Variants in PLEKHG5 observed in about 807,000 individuals in gnomAD.
The protein encoded by PLEKHG5 is pleckstrin homology and RhoGEF domain containing G5, also known as pleckstrin homology domain-containing family G member 5.
Under a neutral mutation model 103.8 loss-of-function variants are expected in PLEKHG5, and 52 were observed. That is an observed-to-expected ratio of 0.50 (90% CI 0.40 to 0.63). PLEKHG5 has a LOEUF of 0.63. Among genes scored for constraint, PLEKHG5 ranks in the 30% least tolerant of loss-of-function variants. The pLI is 0.00. For missense variants in PLEKHG5, 1,205 were observed against 1,347.6 expected, an observed-to-expected ratio of 0.89 and a Z score of 1.66; for synonymous variants, 592 against 575.5, an observed-to-expected ratio of 1.03 and a Z score of -0.41.
intron 1 of PLEKHG5, among the ~76,000 whole-genome samples, chr1:6,508,114 A>G (rs571471911): frequency 6.6e-6 from 1 of 152,286 alleles, no homozygotes; most frequent in East Asian, 1.9e-4. Flanking sequence ...GCCTGGGTGC[A>G]GCAGAGACTC....
rs1242593815 is a variant in PLEKHG5 at position 6,470,829 on chromosome 1, T to C, written c.1448A>G (p.Lys483Arg). Residue 483 changes from lysine to arginine, a missense_variant, in exon 14 of 21, where the codon AAA becomes AGA. Coordinates refer to ENST00000377728, the MANE Select transcript of PLEKHG5 (RefSeq NM_020631.6). ...GTACTTGGTGAGCCGCTGGTGGGGT[T>C]TGGCCAGCATGTCGCTCAGCTTCAG... The part of the protein sequence containing the change: ...QRLKLSDMLA[K>R]PHQRLTKYPL... 12 of 1,578,250 alleles carry C rather than the reference T, an allele frequency of 7.6e-6. No homozygotes were observed. Among genetic ancestry groups the C allele is most frequent in the Admixed American group, 1.8e-5 (1 of 54,820 alleles).
At position 6,470,985 on chromosome 1, in the gene PLEKHG5, C is replaced by T. The variant is rs2148583512; in HGVS notation, c.1392+5G>A. ...CGCCCCCGCCCACGGCACGCGCGCC[C>T]TCACCGTGATGTAGGCCCGGAAGAG... On this transcript the variant is annotated splice_donor_5th_base_variant and intron_variant, in intron 13 of 20. Transcript: ENST00000377728. 1.3e-6 allele frequency: 2 copies of T among 1,596,278 alleles called. No homozygotes were observed. Among genetic ancestry groups the T allele is most frequent in the Non-Finnish European group, 1.7e-6 (2 of 1,172,036 alleles).
At chr1:6,472,759 A>T (rs1644632557) in intron 9 of PLEKHG5, 137 bp from the exon 10 acceptor site, 2 of 760,250 alleles carry the variant, frequency 2.6e-6, no homozygotes, top group South Asian at 3.0e-5. Context: ...GTCACCCTTG[A>T]CACCACATGA....
intron 3 of PLEKHG5, 68 bp from the exon 4 acceptor site, chr1:6,475,590 G>T (rs1374325112): frequency 1.5e-6 from 2 of 1,330,394 alleles, no homozygotes; most frequent in Non-Finnish European, 2.2e-6. Flanking sequence ...GCGGCGAGTG[G>T]GCCTGTGGCC....
intron 1 of PLEKHG5, among the ~76,000 whole-genome samples, chr1:6,489,601 CGT>C (rs1450946062): frequency 6.6e-6 from 1 of 152,230 alleles, no homozygotes; most frequent in African/African-American, 2.4e-5. Flanking sequence ...CAGACCCCAG[CGT>C]GTGTCTTCGG....
At chr1:6,473,911 TG>T in intron 7 of PLEKHG5, 101 bp downstream of exon 7, 1 of 1,143,342 alleles carries the variant, frequency 8.7e-7, no homozygotes, top group Non-Finnish European at 1.3e-6. Context: ...AACCCCAAGA[TG>T]GGGCAGTGAG....
upstream of PLEKHG5, among the ~76,000 whole-genome samples, chr1:6,493,104 C>A (rs138981576): frequency 5.9e-5 from 9 of 152,328 alleles, no homozygotes; most frequent in East Asian, 1.7e-3. Flanking sequence ...ATGGCAAATT[C>A]ATCTCAGAAG....
In PLEKHG5 at chr1:6,490,587, C is replaced by T. The variant is rs1645132738; in HGVS notation, c.-88+1050G>A. 1.0e-6 allele frequency: 1 copy of T among 985,286 alleles called. No individual in the cohort carries two copies. Among genetic ancestry groups the T allele is most frequent in the African/African-American group, 1.7e-5 (1 of 57,214 alleles). 61.0% of individuals were successfully genotyped at this position (985,286 alleles called of 1,614,324 possible). ...AGTCGACTCAGCGCAAACTGGGGCG[C>T]GGGACGTAGGGGAATTACGGTAGCC... is the stretch of plus-strand genomic sequence containing the variant. On this transcript the variant is annotated intron_variant, in intron 1 of 20. Coordinates refer to ENST00000377728, the MANE Select transcript of PLEKHG5 (RefSeq NM_020631.6). This position sits in a 1 kb window ranked among gnomAD's most constrained non-coding sequence, Gnocchi z 8.0.
upstream of PLEKHG5, among the ~76,000 whole-genome samples, chr1:6,500,629 C>T (rs1645286522): frequency 6.6e-6 from 1 of 150,486 alleles, no homozygotes; most frequent in Non-Finnish European, 1.5e-5. Context: ...ACTACCCCCT[C>T]CGCTAAGCAA....
chr1:6,467,857 G>A lies in PLEKHG5; in HGVS notation c.2979C>T (p.Thr993=), dbSNP rs916247357. The change falls in exon 20 of 21, where the codon ACC becomes ACT. Residue 993 remains threonine (T), a synonymous_variant. Coordinates refer to ENST00000377728, the MANE Select transcript of PLEKHG5 (RefSeq NM_020631.6). The part of the protein sequence containing the change: ...LTLAQLYRIR[T]TLLLNSTLTA... ...TGAGCGTGGAGTTAAGCAGCAGGGT[G>A]GTCCTGATTCGGTAGAGCTGGGCCA... 3 of 1,613,072 alleles carry A rather than the reference G, an allele frequency of 1.9e-6. No homozygotes were observed. The African/African-American group carries it at 4.0e-5, about 22-fold the overall frequency.
Position 6,469,190 on chromosome 1 carries a change from G to A in PLEKHG5, c.2101C>T (p.Leu701=). ...TCCTCCTCCTCTTCCAGGCTCTGCA[G>A]GGGCTGCTGACTGCCTGGGGGCTCC... ...AQEPPGSQQP[L]QSLEEEEDEQ... The change falls in exon 19 of 21, where the codon CTG becomes TTG. Residue 701 remains leucine (L), a synonymous_variant. Transcript: ENST00000377728. 6.2e-7 allele frequency: 1 copy of A among 1,612,660 alleles called. No individual in the cohort carries two copies. Among genetic ancestry groups the A allele is most frequent in the Non-Finnish European group, 8.5e-7 (1 of 1,179,872 alleles).
At chr1:6,518,930 G>A (rs549146408) in intron 1 of PLEKHG5, among the ~76,000 whole-genome samples, 3 of 152,310 alleles carry the variant, frequency 2.0e-5, no homozygotes, top group South Asian at 2.1e-4. Context: ...TGCAAGCTCC[G>A]CTTCCCGGGT....
intron 9 of PLEKHG5, 119 bp downstream of exon 9, chr1:6,472,866 TG>T: frequency 1.1e-6 from 1 of 937,722 alleles, no homozygotes. Flanking sequence ...GTCTCCAAAG[TG>T]GGCTAATGGT....
Position 6,469,137 on chromosome 1 carries a change from C to T in PLEKHG5, c.2154G>A (p.Glu718=), listed in dbSNP as rs1410366410. 6.2e-7 allele frequency: 1 copy of T among 1,612,518 alleles called. No homozygotes were observed. The highest frequency in any genetic ancestry group is 8.5e-7 in the Non-Finnish European group (1 of 1,179,498). Residue 718 remains glutamate, a synonymous_variant, in exon 19 of 21, where the codon GAG becomes GAA. Transcript: ENST00000377728. ...EDEQEEEEEE[E]EEEEEGEDSG... is the part of the protein sequence containing the mutation. ...TGTCCTCGCCTTCCTCCTCCTCCTC[C>T]TCCTCCTCCTCTTCCTCCTCCTGCT... is the stretch of plus-strand genomic sequence containing the variant.
At chr1:6,470,416 A>T in intron 15 of PLEKHG5, 61 bp from the exon 16 acceptor site, 1 of 1,612,782 alleles carries the variant, frequency 6.2e-7, no homozygotes, top group Admixed American at 1.7e-5. Flanking sequence ...TCAGCTAGGC[A>T]TCCTCAGTGA....
chr1:6,501,516 G>T (rs1358430076), upstream of PLEKHG5, among the ~76,000 whole-genome samples: 9 of 152,158 alleles, frequency 5.9e-5, no homozygotes, highest in South Asian at 6.2e-4. The surrounding 1 kb of genome is among the most constrained non-coding windows in gnomAD (Gnocchi z 4.3). Context: ...GACACACAAT[G>T]ACCACAGCTC....
upstream of PLEKHG5, among the ~76,000 whole-genome samples, chr1:6,496,187 C>A (rs578194073): frequency 6.6e-6 from 1 of 152,360 alleles, no homozygotes; most frequent in South Asian, 2.1e-4. Flanking sequence ...GTTTCCTCAT[C>A]CGTGACATAA....
At position 6,491,058 on chromosome 1, in the gene PLEKHG5, G is replaced by T. The variant is rs764196788; in HGVS notation, c.-88+579C>A. Among the ~76,000 whole-genome samples, 1 of 151,862 alleles carries T rather than the reference G, an allele frequency of 6.6e-6. No homozygotes were observed. Among genetic ancestry groups the T allele is most frequent in the Non-Finnish European group, 1.5e-5 (1 of 67,988 alleles). On this transcript the variant is annotated intron_variant, in intron 1 of 20. Coordinates refer to ENST00000377728, the MANE Select transcript of PLEKHG5 (RefSeq NM_020631.6). The surrounding 1 kb of genome is among the most constrained non-coding windows in gnomAD (Gnocchi z 4.1). The stretch of plus-strand genomic sequence containing the variant: ...GATTCTGATCTGCGGCCTCCGCGGT[G>T]CCCCAGAAACAGCCCGCTTTTCTCT...
chr1:6,510,353 G>A (rs1441546615), intron 1 of PLEKHG5, among the ~76,000 whole-genome samples: 1 of 152,082 alleles, frequency 6.6e-6, no homozygotes, highest in Non-Finnish European at 1.5e-5. Context: ...AGCACTTTGG[G>A]AGGCCAAGGC....
Sources: gnomAD v4.1 joint callset for allele counts (sites outside exome capture counted in the v4.1 genomes callset) on GRCh38, gnomAD v4.1.1 for gene constraint, Gnocchi (gnomAD v3.1) non-coding constraint, MANE v1.5 for transcripts, NCBI Gene and HGNC (gene_info 2026-07-23, HGNC 2026-07-21) for gene names.